LRRTM4: variants seen among roughly 807,000 people sequenced by gnomAD.
LRRTM4 encodes leucine-rich repeat transmembrane neuronal protein 4.
LRRTM4 carries 25 observed loss-of-function variants against 47.6 expected under a neutral mutation model. The observed-to-expected ratio is 0.53, with a 90% confidence interval of 0.38 to 0.73. The LOEUF (loss-of-function observed/expected upper bound fraction) is 0.73, where lower values mean the gene tolerates loss of function less well. Among genes scored for constraint, LRRTM4 ranks in the 30% least tolerant of loss-of-function variants. LRRTM4 has a pLI of 0.00. For missense variants in LRRTM4, 638 were observed against 713.4 expected, an observed-to-expected ratio of 0.89 and a Z score of 1.20; for synonymous variants, 311 against 269.5, an observed-to-expected ratio of 1.15 and a Z score of -1.51.
chr2:76,776,690 T>G (rs28873771), intron 3 of LRRTM4, among the ~76,000 whole-genome samples: 2,156 of 147,398 alleles, frequency 0.015, 30 homozygotes, highest in African/African-American at 0.05. Flanking sequence ...TGCGAAAATT[T>G]TCTCCCATTT....
intron 3 of LRRTM4, among the ~76,000 whole-genome samples, chr2:77,110,290 G>A (rs1166975742): frequency 6.6e-6 from 1 of 152,100 alleles, no homozygotes; most frequent in Admixed American, 6.6e-5. Context: ...TAGAATTTAT[G>A]TTCAGCAAAA....
intron 3 of LRRTM4, among the ~76,000 whole-genome samples, chr2:77,445,563 T>C (rs550974944): frequency 6.6e-6 from 1 of 152,152 alleles, no homozygotes; most frequent in Non-Finnish European, 1.5e-5. Flanking sequence ...GGTGAAAGTG[T>C]AGCATAGCAG....
rs536220809 is a variant in LRRTM4 at position 76,831,595 on chromosome 2, A to G, written c.1552-82679T>C. On this transcript the variant is annotated intron_variant, in intron 3 of 3. Transcript: ENST00000409884. ...GTATCCCTAGATATCTGATTATTCA[A>G]TATTTCAACATTTGCTGTAATGACT... Among the ~76,000 whole-genome samples, 35 of 152,230 alleles carry G rather than the reference A, an allele frequency of 2.3e-4. 1 individual carries two copies. In the South Asian group the frequency reaches 3.3e-3, roughly 14 times the overall value.
chr2:76,803,628 G>C (rs1311488099), intron 3 of LRRTM4, among the ~76,000 whole-genome samples: 1 of 152,108 alleles, frequency 6.6e-6, no homozygotes, highest in Non-Finnish European at 1.5e-5. Flanking sequence ...TCAGTGAAAA[G>C]CTTTTTAAAG....
intron 3 of LRRTM4, among the ~76,000 whole-genome samples, chr2:77,112,705 A>G (rs1572973985): frequency 6.6e-6 from 1 of 152,036 alleles, no homozygotes; most frequent in Non-Finnish European, 1.5e-5. Flanking sequence ...GATGACCACA[A>G]TCATCCTACC....
chr2:76,889,703 T>C (rs1417509041), intron 3 of LRRTM4, among the ~76,000 whole-genome samples: 1 of 152,014 alleles, frequency 6.6e-6, no homozygotes, highest in Non-Finnish European at 1.5e-5. Flanking sequence ...GCAGTGGCCC[T>C]GCCAAATTTT....
intron 3 of LRRTM4, among the ~76,000 whole-genome samples, chr2:77,514,766 CT>C (rs1362299226): frequency 6.6e-6 from 1 of 151,724 alleles, no homozygotes; most frequent in Non-Finnish European, 1.5e-5. Context: ...CTTTCTTGTC[CT>C]TTGTTCACAT....
At chr2:77,162,360 G>T (rs914204793) in intron 3 of LRRTM4, among the ~76,000 whole-genome samples, 1 of 152,182 alleles carries the variant, frequency 6.6e-6, no homozygotes, top group Non-Finnish European at 1.5e-5. Flanking sequence ...AGCCCAAGGA[G>T]GCCTGCCCTA....
chr2:77,032,176 G>T (rs1678683321), intron 3 of LRRTM4, among the ~76,000 whole-genome samples: 1 of 152,086 alleles, frequency 6.6e-6, no homozygotes, highest in Admixed American at 6.6e-5. Context: ...AGGAAGCACA[G>T]TGAAACTTTA....
At chr2:76,776,087 T>G (rs879230413) in intron 3 of LRRTM4, among the ~76,000 whole-genome samples, 2 of 151,984 alleles carry the variant, frequency 1.3e-5, no homozygotes, top group African/African-American at 4.8e-5. Flanking sequence ...GGACATGAAC[T>G]CATCATTTTT....
chr2:77,505,449 A>C (rs1325133674), intron 3 of LRRTM4, among the ~76,000 whole-genome samples: 1 of 151,496 alleles, frequency 6.6e-6, no homozygotes, highest in Non-Finnish European at 1.5e-5. Context: ...GTATAGGTAC[A>C]CAACATATTT....
At chr2:77,507,292 T>G (rs1328704772) in intron 3 of LRRTM4, among the ~76,000 whole-genome samples, 2 of 152,166 alleles carry the variant, frequency 1.3e-5, no homozygotes, top group Non-Finnish European at 2.9e-5. Context: ...TAATTAATTA[T>G]GTAATCTGTT....
intron 3 of LRRTM4, among the ~76,000 whole-genome samples, chr2:76,907,959 T>C (rs1351981609): frequency 4.7e-5 from 7 of 150,528 alleles, no homozygotes; most frequent in African/African-American, 9.8e-5. Context: ...TTCCAATCAA[T>C]AGAAAAAGAG....
At chr2:76,807,922 TCTTTCCTTTC>T (rs759734277) in intron 3 of LRRTM4, among the ~76,000 whole-genome samples, 166 of 119,648 alleles carry the variant, frequency 1.4e-3, no homozygotes, top group Admixed American at 3.2e-3. Context: ...TTCTTTCCTT[TCTTTCCTTTC>T]CTTTCTTTCT....
chr2:77,004,019 T>C (rs1189239383), intron 3 of LRRTM4, among the ~76,000 whole-genome samples: 2 of 152,154 alleles, frequency 1.3e-5, no homozygotes, highest in African/African-American at 4.8e-5. Context: ...CTGTGGAACT[T>C]TGAACTTGAG....
chr2:76,779,714 C>T (rs890444865), intron 3 of LRRTM4, among the ~76,000 whole-genome samples: 2 of 151,974 alleles, frequency 1.3e-5, no homozygotes, highest in Admixed American at 6.6e-5. Context: ...ACTCTTTATC[C>T]AATTTGCCAG....
chr2:76,801,936 G>T (rs1347109278), intron 3 of LRRTM4, among the ~76,000 whole-genome samples: 1 of 152,070 alleles, frequency 6.6e-6, no homozygotes, highest in Non-Finnish European at 1.5e-5. Context: ...TCATGGTAAA[G>T]ACTCTTGAGA....
At chr2:77,240,946 A>G (rs376642452) in intron 3 of LRRTM4, among the ~76,000 whole-genome samples, 7 of 152,154 alleles carry the variant, frequency 4.6e-5, no homozygotes, top group African/African-American at 1.7e-4. Context: ...GCTTATAGAC[A>G]GAAAGACTAA....
rs138268094 is a variant in LRRTM4 at position 76,918,397 on chromosome 2, T to C, written c.1552-169481A>G. Among the ~76,000 whole-genome samples the C allele has an allele frequency of 2.1e-4, 32 of 152,328 alleles. No individual in the cohort carries two copies. The East Asian group carries it at 6.2e-3, about 29-fold the overall frequency. On this transcript the variant is annotated intron_variant, in intron 3 of 3. Transcript: ENST00000409884. ...ACTCAGGTTTAGATCAAATCTCATA[T>C]GTACAGCTGTGTATCCACTTGGATT...
Sources: allele counts gnomAD v4.1 joint callset (sites outside exome capture counted in the v4.1 genomes callset), GRCh38; gene constraint gnomAD v4.1.1; transcripts MANE v1.5; gene names NCBI Gene and HGNC (gene_info 2026-07-23, HGNC 2026-07-21).